The following HHLA2 variants were observed in gnomAD, a reference collection of about 807,000 sequenced individuals.
HHLA2 encodes HHLA2 member of B7 family.
In HHLA2, 48 loss-of-function variants were observed where a neutral mutation model predicts 45.9. The ratio of observed to expected loss-of-function variants is 1.05; its 90% CI spans 0.83 to 1.33. The LOEUF is 1.33. Among genes scored for constraint, HHLA2 ranks in the 40% most tolerant of loss-of-function variants. The pLI is 0.00. For missense variants in HHLA2, 462 were observed against 494.3 expected (o/e 0.93, Z 0.62); for synonymous variants, 161 against 173.9 (o/e 0.93, Z 0.59).
chr3:108,348,552 G>T (rs9810288), intron 3 of HHLA2, among the ~76,000 whole-genome samples: 1 of 151,592 alleles, frequency 6.6e-6, no homozygotes, highest in Non-Finnish European at 1.5e-5. Context: ...TCTAAGATGG[G>T]TGATTGGAGC....
Position 108,328,327 on chromosome 3 carries a change from G to T in HHLA2, c.-47G>T, listed in dbSNP as rs555602346. Reference sequence around the variant, plus strand: ...TGATGGTGATGTGGAATATACTAAAGCCTAGAACGCACCTCCTCTGGTAAG... The same window carrying T: ...TGATGGTGATGTGGAATATACTAAATCCTAGAACGCACCTCCTCTGGTAAG... On this transcript the variant is annotated 5_prime_UTR_variant, in exon 3 of 11. Transcript: ENST00000619531. The T allele has an allele frequency of 2.0e-5, 31 of 1,531,590 alleles. No homozygotes were observed. The East Asian group carries it at 7.1e-4, about 35-fold the overall frequency. The allele number at this position is 1,531,590 out of a possible 1,614,324, so 94.9% of individuals were successfully genotyped here.
At chr3:108,375,906 T>C in intron 9 of HHLA2, 106 bp downstream of exon 8, 1 of 1,423,128 alleles carries the variant, frequency 7.0e-7, no homozygotes, top group African/African-American at 1.4e-5. Flanking sequence ...AAAAAATAGA[T>C]ATATTCCATA....
chr3:108,337,140 G>C (rs984221391), intron 3 of HHLA2, among the ~76,000 whole-genome samples: 8 of 152,116 alleles, frequency 5.3e-5, no homozygotes, highest in African/African-American at 1.7e-4. Flanking sequence ...GAGAAATGCA[G>C]AACTAGAGTA....
intron 8 of HHLA2, among the ~76,000 whole-genome samples, chr3:108,372,641 G>T (rs1576186611): frequency 6.6e-6 from 1 of 152,040 alleles, no homozygotes; most frequent in South Asian, 2.1e-4. Context: ...AATGATAAAG[G>T]GGATATCACC....
chr3:108,373,011 G>A (rs2082207695), intron 8 of HHLA2, among the ~76,000 whole-genome samples: 1 of 152,218 alleles, frequency 6.6e-6, no homozygotes, highest in Non-Finnish European at 1.5e-5. Flanking sequence ...GCAAAGCCTG[G>A]CAGAGACACA....
Position 108,302,156 on chromosome 3 carries a change from T to A in HHLA2, c.-192+5557T>A, listed in dbSNP as rs116430164. 1.1e-4 allele frequency among the ~76,000 whole-genome samples: 17 copies of A among 152,258 alleles called. No individual in the cohort carries two copies. The East Asian group carries it at 3.3e-3, about 29-fold the overall frequency. On this transcript the variant is annotated intron_variant, in intron 1 of 10. Coordinates refer to ENST00000619531, the Ensembl canonical transcript of HHLA2. Reference sequence around the variant, plus strand: ...TATAGTAGGGAAATGAATATTAACATGAAGATTAAACAGTCTGACTTTAAA... The same window carrying A: ...TATAGTAGGGAAATGAATATTAACAAGAAGATTAAACAGTCTGACTTTAAA...
intron 7 of HHLA2, among the ~76,000 whole-genome samples, 168 bp from the exon 7 acceptor site, chr3:108,362,174 G>A (rs1009844793): frequency 3.9e-5 from 6 of 152,120 alleles, no homozygotes; most frequent in Admixed American, 3.9e-4. Context: ...CCTAAAGGAC[G>A]TTTTTATTAT....
rs536484168 is a variant in HHLA2, at chr3:108,373,104, A to G, written c.1109-2646A>G. On this transcript the variant is annotated intron_variant, in intron 8 of 10. Coordinates refer to ENST00000619531, the Ensembl canonical transcript of HHLA2. Reference sequence around the variant, plus strand: ...AATAAAATATTGGCAAACCGAATCCAGCAGCACATCAAAAAGCTTATCCAC... The same window carrying G: ...AATAAAATATTGGCAAACCGAATCCGGCAGCACATCAAAAAGCTTATCCAC... 1.2e-3 allele frequency among the ~76,000 whole-genome samples: 179 copies of G among 152,362 alleles called. 1 individual carries two copies. The highest frequency in any genetic ancestry group is 2.2e-3 in the Non-Finnish European group (150 of 68,036).
intron 8 of HHLA2, among the ~76,000 whole-genome samples, 153 bp downstream of exon 7, chr3:108,362,599 G>A (rs1166469831): frequency 6.6e-6 from 1 of 152,108 alleles, no homozygotes; most frequent in African/African-American, 2.4e-5. Flanking sequence ...CTTTTAAAAT[G>A]CTCCTACATT....
chr3:108,305,322 T>C (rs1305913471), intron 1 of HHLA2, among the ~76,000 whole-genome samples: 1 of 152,178 alleles, frequency 6.6e-6, no homozygotes, highest in Non-Finnish European at 1.5e-5. Context: ...CCATGCTGGC[T>C]ACTGCTTCAC....
chr3:108,332,798 C>T (rs1261702619), intron 3 of HHLA2, among the ~76,000 whole-genome samples: 1 of 152,160 alleles, frequency 6.6e-6, no homozygotes, highest in Non-Finnish European at 1.5e-5. Flanking sequence ...GTTGCTTCTC[C>T]TGTTCCTCTC....
intron 1 of HHLA2, among the ~76,000 whole-genome samples, chr3:108,301,022 TCTTC>T (rs1313442168): frequency 2.6e-5 from 4 of 152,280 alleles, no homozygotes; most frequent in South Asian, 2.1e-4. Flanking sequence ...TGAAATTTTC[TCTTC>T]CTTTCACTGG....
At chr3:108,361,053 T>C (rs1410388103) in intron 7 of HHLA2, among the ~76,000 whole-genome samples, 1 of 152,208 alleles carries the variant, frequency 6.6e-6, no homozygotes, top group African/African-American at 2.4e-5. Context: ...TTAGCAGGGT[T>C]CTGACTTTGG....
intron 1 of HHLA2, among the ~76,000 whole-genome samples, chr3:108,296,926 AT>A (rs1553748351): frequency 6.6e-6 from 1 of 152,260 alleles, no homozygotes; most frequent in Non-Finnish European, 1.5e-5. Flanking sequence ...CTTTAAAAAA[AT>A]CTCTAAGAGT....
intron 3 of HHLA2, among the ~76,000 whole-genome samples, chr3:108,337,868 C>G (rs1269113527): frequency 2.0e-5 from 3 of 152,074 alleles, no homozygotes; most frequent in African/African-American, 7.2e-5. Context: ...TGCTTATGTC[C>G]TAAACCTATT....
chr3:108,366,275 T>C (rs1016857841), intron 8 of HHLA2, among the ~76,000 whole-genome samples: 17 of 152,236 alleles, frequency 1.1e-4, no homozygotes, highest in African/African-American at 4.1e-4. Flanking sequence ...ATGTGATGGA[T>C]TACATTTATT....
chr3:108,367,320 T>G (rs2082080888), intron 8 of HHLA2, among the ~76,000 whole-genome samples: 1 of 151,988 alleles, frequency 6.6e-6, no homozygotes, highest in African/African-American at 2.4e-5. Flanking sequence ...TTGTAACTCC[T>G]CTCCAGCAAG....
At chr3:108,353,998 A>G (rs1210643752) in intron 5 of HHLA2, among the ~76,000 whole-genome samples, 2 of 152,166 alleles carry the variant, frequency 1.3e-5, no homozygotes, top group Admixed American at 6.5e-5. Flanking sequence ...TTTACATTAC[A>G]TGGTTGTGAT....
chr3:108,354,772 G>A (rs935300744), intron 5 of HHLA2, among the ~76,000 whole-genome samples: 20 of 152,106 alleles, frequency 1.3e-4, no homozygotes, highest in African/African-American at 4.8e-4. Flanking sequence ...GAGGAGTGTA[G>A]AGTGCCGCAT....
Sources: gnomAD v4.1 joint callset for allele counts (sites outside exome capture counted in the v4.1 genomes callset) on GRCh38, gnomAD v4.1.1 for gene constraint, MANE v1.5 for transcripts, NCBI Gene and HGNC (gene_info 2026-07-23, HGNC 2026-07-21) for gene names.